The following PPP6R3 variants were observed in gnomAD, a reference collection of about 807,000 sequenced individuals.
The protein encoded by PPP6R3 is serine/threonine-protein phosphatase 6 regulatory subunit 3.
A neutral mutation model predicts 110.7 loss-of-function variants in PPP6R3; 38 were observed. That is an observed-to-expected ratio of 0.34 (90% CI 0.26 to 0.45). The LOEUF is 0.45. Among genes scored for constraint, PPP6R3 ranks in the 20% least tolerant of loss-of-function variants. The probability of loss-of-function intolerance (pLI) is 1.00; values close to 1 mark genes in which losing one functional copy is unlikely to be tolerated. For missense variants in PPP6R3, 870 were observed against 1,062.4 expected, an observed-to-expected ratio of 0.82 and a Z score of 2.52; for synonymous variants, 369 against 373.5, an observed-to-expected ratio of 0.99 and a Z score of 0.14.
At chr11:68,560,460 T>C (rs1469528538) in intron 8 of PPP6R3, among the ~76,000 whole-genome samples, 1 of 152,244 alleles carries the variant, frequency 6.6e-6, no homozygotes, top group East Asian at 1.9e-4. Flanking sequence ...GCAGTTTATA[T>C]GTGATGGACA....
At chr11:68,485,034 C>T (rs964364829) in intron 1 of PPP6R3, among the ~76,000 whole-genome samples, 15 of 152,128 alleles carry the variant, frequency 9.9e-5, no homozygotes, top group African/African-American at 3.1e-4. Context: ...AATATCTCTT[C>T]ATTTGTTTAG....
intron 1 of PPP6R3, among the ~76,000 whole-genome samples, chr11:68,465,789 T>G (rs1289432488): frequency 6.6e-6 from 1 of 152,224 alleles, no homozygotes; most frequent in African/African-American, 2.4e-5. Flanking sequence ...GGAAAGAGCT[T>G]CTGTTTGCTG....
chr11:68,515,579 A>G (rs2099132419), intron 1 of PPP6R3, among the ~76,000 whole-genome samples: 1 of 152,256 alleles, frequency 6.6e-6, no homozygotes, highest in Non-Finnish European at 1.5e-5. Context: ...ATTAGAATCC[A>G]CTGCACATGA....
At position 68,544,826 on chromosome 11, in the gene PPP6R3, C is replaced by T; in HGVS notation, c.228-12C>T. On this transcript the variant is annotated splice_polypyrimidine_tract_variant and intron_variant, in intron 3 of 23. Coordinates refer to ENST00000393800, the MANE Select transcript of PPP6R3 (RefSeq NM_001164161.2). ...TAATAAAGATGATGATGTAAATATC[C>T]TGTTCTTCTAGGTATCCAAATATAT... The T allele has an allele frequency of 6.5e-7, 1 of 1,546,584 alleles. No individual in the cohort carries two copies. The highest frequency in any genetic ancestry group is 8.9e-7 in the Non-Finnish European group (1 of 1,126,410).
At chr11:68,508,151 TG>T (rs1338066469) in intron 1 of PPP6R3, among the ~76,000 whole-genome samples, 1 of 132,160 alleles carries the variant, frequency 7.6e-6, no homozygotes, top group Non-Finnish European at 1.6e-5. Context: ...TTTTTTGAGA[TG>T]GAGTCTTGAT....
chr11:68,496,804 G>A lies in PPP6R3; in HGVS notation c.-157-22697G>A, dbSNP rs376975821. Among the ~76,000 whole-genome samples, 39 of 137,730 alleles carry A rather than the reference G, an allele frequency of 2.8e-4. No homozygotes were observed. The East Asian group carries it at 3.3e-3, about 11-fold the overall frequency. The allele number at this position is 137,730 out of a possible 152,430, so 90.4% of individuals were successfully genotyped here. A position where few individuals can be genotyped will look rare whatever the true frequency, so the allele number is the denominator to read the frequency against. ...TGCCCATTTTAAAATTGTGTTGTTT[G>A]TCTTTATTACTAAGTTGTAGGAGTT... On this transcript the variant is annotated intron_variant, in intron 1 of 23. Transcript: ENST00000393800.
chr11:68,609,582 C>A (rs1157718676), intron 22 of PPP6R3: 3 of 1,551,248 alleles, frequency 1.9e-6, no homozygotes, highest in South Asian at 2.4e-5. Flanking sequence ...TTGTACATTT[C>A]TTTTTCTGTT....
chr11:68,492,711 C>T (rs1565390634), intron 1 of PPP6R3, among the ~76,000 whole-genome samples: 1 of 152,186 alleles, frequency 6.6e-6, no homozygotes, highest in Non-Finnish European at 1.5e-5. Flanking sequence ...CATGACTGTA[C>T]CATTTTACAT....
chr11:68,561,476 C>T (rs1404023348), intron 8 of PPP6R3, among the ~76,000 whole-genome samples: 2 of 152,076 alleles, frequency 1.3e-5, no homozygotes, highest in East Asian at 1.9e-4. Flanking sequence ...CTGCAAGTAA[C>T]AAAATGCCAC....
chr11:68,536,333 G>C (rs1016109540), intron 2 of PPP6R3, among the ~76,000 whole-genome samples: 1 of 151,802 alleles, frequency 6.6e-6, no homozygotes, highest in African/African-American at 2.4e-5. Context: ...CTGTTGCCCT[G>C]CTGGAGTGTA....
intron 1 of PPP6R3, among the ~76,000 whole-genome samples, chr11:68,470,880 G>A (rs1304380303): frequency 6.6e-6 from 1 of 152,172 alleles, no homozygotes; most frequent in Non-Finnish European, 1.5e-5. Flanking sequence ...AAGATCAGGA[G>A]TTGGGTTTTG....
chr11:68,576,605 T>C (rs2099532563), intron 14 of PPP6R3, among the ~76,000 whole-genome samples: 1 of 143,682 alleles, frequency 7.0e-6, no homozygotes, highest in Admixed American at 6.9e-5. Flanking sequence ...CTTTGGAATG[T>C]ATTTTTTGGT....
intron 1 of PPP6R3, among the ~76,000 whole-genome samples, chr11:68,476,066 C>T (rs980122641): frequency 5.9e-5 from 9 of 152,118 alleles, no homozygotes; most frequent in African/African-American, 1.9e-4. Flanking sequence ...GGGGTGGCGG[C>T]CGGGCAGAGG....
In PPP6R3 at chr11:68,575,992, G is replaced by A. The variant is rs765221595; in HGVS notation, c.1494G>A (p.Thr498=). 31 of 1,612,318 alleles carry A rather than the reference G, an allele frequency of 1.9e-5. No homozygotes were observed. The highest frequency in any genetic ancestry group is 1.6e-4 in the Middle Eastern group (1 of 6,078). Residue 498 remains threonine, a synonymous_variant, in exon 14 of 24, where the codon ACG becomes ACA. Transcript: ENST00000393800. ...LPDEVRERWE[T]FCTSSLGETN... is the part of the protein sequence containing the mutation. Reference sequence around the variant, plus strand: ...ACGAAGTCAGGGAACGATGGGAGACGTTCTGCACAAGCTCCTTAGGAGAAA... The same window carrying A: ...ACGAAGTCAGGGAACGATGGGAGACATTCTGCACAAGCTCCTTAGGAGAAA...
At position 68,561,776 on chromosome 11, in the gene PPP6R3, A is replaced by G. The variant is rs56213984; in HGVS notation, c.846-2527A>G. Among the ~76,000 whole-genome samples the G allele has an allele frequency of 3.8e-3, 586 of 152,258 alleles. 3 individuals carry two copies. Among genetic ancestry groups the G allele is most frequent in the African/African-American group, 0.014 (562 of 41,552 alleles). On this transcript the variant is annotated intron_variant, in intron 8 of 23. Transcript: ENST00000393800. ...TAAAGCCCTCTTTCATTTTATTTAT[A>G]TTTTTTGAGATAAGGCCTGCCATTC...
chr11:68,482,298 C>A (rs953652828), intron 1 of PPP6R3, among the ~76,000 whole-genome samples: 3 of 150,988 alleles, frequency 2.0e-5, no homozygotes, highest in African/African-American at 7.3e-5. Flanking sequence ...CCTGTAATCC[C>A]AGCTACTCAG....
chr11:68,564,588 G>C (rs1338100004), intron 9 of PPP6R3, among the ~76,000 whole-genome samples, 156 bp downstream of exon 9: 1 of 152,236 alleles, frequency 6.6e-6, no homozygotes, highest in Non-Finnish European at 1.5e-5. Flanking sequence ...TACTGCTTTT[G>C]AGTGGAGAAT....
intron 2 of PPP6R3, among the ~76,000 whole-genome samples, chr11:68,528,324 A>G (rs2099211993): frequency 6.6e-6 from 1 of 151,868 alleles, no homozygotes; most frequent in African/African-American, 2.4e-5. Flanking sequence ...CTTTGGAAGA[A>G]GCAGTTGCAG....
chr11:68,520,976 C>T (rs970014829), intron 2 of PPP6R3, among the ~76,000 whole-genome samples: 10 of 152,042 alleles, frequency 6.6e-5, no homozygotes, highest in East Asian at 1.9e-4. Context: ...CTCACTATGT[C>T]GGCCAGGCTG....
Sources: gnomAD v4.1 joint callset for allele counts (sites outside exome capture counted in the v4.1 genomes callset) on GRCh38, gnomAD v4.1.1 for gene constraint, MANE v1.5 for transcripts, NCBI Gene and HGNC (gene_info 2026-07-23, HGNC 2026-07-21) for gene names.